The following PREP variants were observed in gnomAD, a reference collection of about 807,000 sequenced individuals.
PREP encodes the protein dJ355L5.1 (prolyl endopeptidase).
Under a neutral mutation model 87.6 loss-of-function variants are expected in PREP, and 29 were observed. The ratio of observed to expected loss-of-function variants is 0.33; its 90% CI spans 0.25 to 0.45. PREP has a LOEUF of 0.45. Ranked by LOEUF, PREP falls within the 20% of genes least tolerant of loss-of-function variation. The pLI is 1.00. For synonymous variants in PREP, 337 were observed against 328.6 expected (o/e 1.03, Z -0.28); for missense variants, 695 against 886.5 (o/e 0.78, Z 2.74).
chr6:105,389,334 G>A (rs1057079397), intron 2 of PREP, among the ~76,000 whole-genome samples: 7 of 152,030 alleles, frequency 4.6e-5, no homozygotes, highest in Non-Finnish European at 7.4e-5. Context: ...TACGGTCATA[G>A]AACAAGAAAA....
In PREP at chr6:105,273,678, G is replaced by A. The variant is rs1168643430; in HGVS notation, c.*4466C>T. The A allele has an allele frequency of 6.6e-6, 1 of 152,082 alleles. No homozygotes were observed. The highest frequency in any genetic ancestry group is 1.5e-5 in the Non-Finnish European group (1 of 68,092). The allele number at this position is 152,082 out of a possible 1,614,324, so 9.4% of individuals were successfully genotyped here. ...TGAATAACCACCCCGCTTTTCCCTA[G>A]GCTCTCCTGCTGTCAGTTTCCCACA... On this transcript the variant is annotated 3_prime_UTR_variant, in exon 15 of 15. Coordinates refer to ENST00000652536, the MANE Select transcript of PREP (RefSeq NM_002726.5).
At chr6:105,391,420 T>C (rs909041537) in intron 2 of PREP, among the ~76,000 whole-genome samples, 1 of 152,082 alleles carries the variant, frequency 6.6e-6, no homozygotes. Context: ...CGGGGTTTCA[T>C]TATGTCATCT....
chr6:105,340,780 A>T lies in PREP; in HGVS notation c.824-7275T>A, dbSNP rs1316034490. Reference sequence around the variant, plus strand: ...ACAGACTTTAAACCAACAAAGATCAAAAGAGACAAAGAAGGCCATTACATA... The same window carrying T: ...ACAGACTTTAAACCAACAAAGATCATAAGAGACAAAGAAGGCCATTACATA... On this transcript the variant is annotated intron_variant, in intron 7 of 14. Transcript: ENST00000652536. Among the ~76,000 whole-genome samples the T allele has an allele frequency of 8.5e-5, 13 of 152,356 alleles. No homozygotes were observed. The East Asian group carries it at 1.7e-3, about 20-fold the overall frequency.
chr6:105,367,671 CAA>C (rs112161765), intron 6 of PREP, among the ~76,000 whole-genome samples: 20 of 80,480 alleles, frequency 2.5e-4, no homozygotes, highest in Middle Eastern at 6.9e-3. Flanking sequence ...GACTCCGTCT[CAA>C]AAAAAAAAAA....
chr6:105,337,710 C>T (rs371236802), intron 7 of PREP, among the ~76,000 whole-genome samples: 67 of 152,312 alleles, frequency 4.4e-4, no homozygotes, highest in African/African-American at 1.5e-3. Context: ...TTTATGGATT[C>T]CCTTCTTTCA....
rs1769987763 is a variant in PREP at position 105,278,168 on chromosome 6, G to A, written c.2109C>T (p.Cys703=). The A allele has an allele frequency of 5.0e-6, 8 of 1,612,636 alleles. No homozygotes were observed. Among genetic ancestry groups the A allele is most frequent in the Non-Finnish European group, 6.8e-6 (8 of 1,178,896 alleles). The change falls in exon 15 of 15, where the codon TGC becomes TGT. Residue 703 remains cysteine, a synonymous_variant. Transcript: ENST00000652536. This position sits in a 1 kb window ranked among gnomAD's most constrained non-coding sequence, Gnocchi z 4.2. ...TTTATGGAATCCAGTCGACGTTCAGGCACCGCGCGATGAACGCAAACATGT... is the reference window on the plus strand; with the variant it reads ...TTTATGGAATCCAGTCGACGTTCAGACACCGCGCGATGAACGCAAACATGT... ...VSDMFAFIAR[C]LNVDWIP is the part of the protein sequence containing the mutation.
chr6:105,375,479 C>T (rs1488039178), intron 4 of PREP, among the ~76,000 whole-genome samples: 1 of 152,150 alleles, frequency 6.6e-6, no homozygotes, highest in Non-Finnish European at 1.5e-5. Flanking sequence ...ACTGCAGAAA[C>T]CTTGGATAAT....
intron 2 of PREP, among the ~76,000 whole-genome samples, chr6:105,397,623 A>T (rs1267580239): frequency 6.6e-6 from 1 of 152,196 alleles, no homozygotes; most frequent in Non-Finnish European, 1.5e-5. Context: ...GTCACTATGA[A>T]CCATAAACAT....
intron 7 of PREP, among the ~76,000 whole-genome samples, chr6:105,336,580 A>C (rs1414850467): frequency 6.6e-6 from 1 of 152,198 alleles, no homozygotes; most frequent in Non-Finnish European, 1.5e-5. Context: ...CCTTTTATTG[A>C]AGTATTATCT....
At chr6:105,381,233 A>G (rs1772828020) in intron 2 of PREP, among the ~76,000 whole-genome samples, 1 of 152,372 alleles carries the variant, frequency 6.6e-6, no homozygotes, top group African/African-American at 2.4e-5. Flanking sequence ...AAGTTTTTTC[A>G]TAACACACAT....
intron 12 of PREP, 61 bp downstream of exon 12, chr6:105,285,425 A>T: frequency 6.6e-7 from 1 of 1,520,764 alleles, no homozygotes; most frequent in Non-Finnish European, 9.1e-7. Context: ...AACAGGAAGG[A>T]TCAGCACAAC....
At chr6:105,384,336 AG>A (rs1299362478) in intron 2 of PREP, among the ~76,000 whole-genome samples, 3 of 152,206 alleles carry the variant, frequency 2.0e-5, no homozygotes, top group Non-Finnish European at 4.4e-5. Flanking sequence ...TGGTTATGCC[AG>A]GTACCGAAGG....
chr6:105,281,830 T>TTCAGCATGTCC lies in PREP; in HGVS notation c.1743_1753dup (p.Lys585ArgfsTer4). On this transcript the variant is annotated stop_gained and frameshift_variant, in exon 14 of 15. Transcript: ENST00000652536. LOFTEE classifies it high-confidence loss of function. ...ATGGCCGATGGTATATTTATGAAACTTCAGCATGTCCATTACTCCAACTTG... is the reference window on the plus strand; with the variant it reads ...ATGGCCGATGGTATATTTATGAAACTTCAGCATGTCCTCAGCATGTCCATTACTCCAACTTG... 1 of 1,614,194 alleles carries TTCAGCATGTCC rather than the reference T, an allele frequency of 6.2e-7. No homozygotes were observed. The highest frequency in any genetic ancestry group is 8.5e-7 in the Non-Finnish European group (1 of 1,180,028).
intron 6 of PREP, among the ~76,000 whole-genome samples, chr6:105,360,358 T>C (rs1442002908): frequency 6.6e-6 from 1 of 152,230 alleles, no homozygotes; most frequent in East Asian, 1.9e-4. Context: ...GGTGATTTCT[T>C]ACCCTGGCAT....
chr6:105,347,387 CTAAA>C (rs1771827380), intron 7 of PREP, among the ~76,000 whole-genome samples: 1 of 152,162 alleles, frequency 6.6e-6, no homozygotes, highest in Non-Finnish European at 1.5e-5. Context: ...TAATTCATAA[CTAAA>C]TATATGATTT....
chr6:105,342,639 G>A (rs1771689536), intron 7 of PREP, among the ~76,000 whole-genome samples: 1 of 152,180 alleles, frequency 6.6e-6, no homozygotes, highest in African/African-American at 2.4e-5. Flanking sequence ...AAACCCCACT[G>A]TGTCAGCCCA....
chr6:105,382,735 T>G (rs369428385), intron 2 of PREP, among the ~76,000 whole-genome samples: 103 of 152,244 alleles, frequency 6.8e-4, no homozygotes, highest in African/African-American at 2.3e-3. Context: ...CTGGGGCAAG[T>G]GCCATTGGCA....
chr6:105,393,096 C>G (rs1256499918), intron 2 of PREP, among the ~76,000 whole-genome samples: 1 of 152,156 alleles, frequency 6.6e-6, no homozygotes, highest in Admixed American at 6.5e-5. Flanking sequence ...ATTTTCTATT[C>G]ACATTATTAG....
chr6:105,389,907 G>GAAAC (rs781379367), intron 2 of PREP, among the ~76,000 whole-genome samples: 8 of 152,148 alleles, frequency 5.3e-5, no homozygotes, highest in African/African-American at 1.9e-4. Flanking sequence ...AGCAAGCAAA[G>GAAAC]AAACAAACAA....
Sources: allele counts gnomAD v4.1 joint callset (sites outside exome capture counted in the v4.1 genomes callset), GRCh38; gene constraint gnomAD v4.1.1; non-coding constraint Gnocchi (gnomAD v3.1); transcripts MANE v1.5; gene names NCBI Gene and HGNC (gene_info 2026-07-23, HGNC 2026-07-21).